Variants in KCNK1 observed in about 807,000 individuals in gnomAD.
KCNK1 encodes potassium channel subfamily K member 1.
In KCNK1, 10 loss-of-function variants were observed where a neutral mutation model predicts 22.2. The observed-to-expected ratio is 0.45, with a 90% CI of 0.28 to 0.76. The LOEUF is 0.76. Ranked by LOEUF, KCNK1 falls within the 30% of genes least tolerant of loss-of-function variation. KCNK1 has a pLI of 0.14. For missense variants in KCNK1, 378 were observed against 421.0 expected (o/e 0.90, Z 0.89); for synonymous variants, 200 against 186.4 (o/e 1.07, Z -0.60).
At chr1:233,662,438 A>G (rs1658413788) in intron 1 of KCNK1, among the ~76,000 whole-genome samples, 1 of 152,176 alleles carries the variant, frequency 6.6e-6, no homozygotes, top group Non-Finnish European at 1.5e-5. Flanking sequence ...ACCTTTCTCA[A>G]AAGCATCTGG....
At chr1:233,626,113 G>A (rs1408924012) in intron 1 of KCNK1, among the ~76,000 whole-genome samples, 2 of 150,866 alleles carry the variant, frequency 1.3e-5, no homozygotes, top group Admixed American at 6.6e-5. Context: ...ATGACCCAGG[G>A]GGTCATCGGA....
intron 1 of KCNK1, among the ~76,000 whole-genome samples, chr1:233,650,361 C>T (rs1470443865): frequency 6.6e-6 from 1 of 152,072 alleles, no homozygotes; most frequent in Non-Finnish European, 1.5e-5. Context: ...CTGTCAGGGA[C>T]CACTTTAATA....
intron 1 of KCNK1, among the ~76,000 whole-genome samples, chr1:233,648,886 C>T (rs1195348414): frequency 6.6e-6 from 1 of 152,130 alleles, no homozygotes; most frequent in Non-Finnish European, 1.5e-5. Flanking sequence ...CTATTTCTTG[C>T]TCAAGTCACA....
chr1:233,641,580 A>T (rs1260342603), intron 1 of KCNK1, among the ~76,000 whole-genome samples: 1 of 152,202 alleles, frequency 6.6e-6, no homozygotes, highest in Non-Finnish European at 1.5e-5. Flanking sequence ...TTATATCCCC[A>T]CTTAACACGG....
chr1:233,650,707 A>G (rs1402865535), intron 1 of KCNK1, among the ~76,000 whole-genome samples: 1 of 152,024 alleles, frequency 6.6e-6, no homozygotes, highest in East Asian at 1.9e-4. Flanking sequence ...TTTTTCAGGG[A>G]GACATAGCTA....
At chr1:233,665,336 C>T (rs973890934) in intron 1 of KCNK1, among the ~76,000 whole-genome samples, 4 of 152,188 alleles carry the variant, frequency 2.6e-5, no homozygotes, top group African/African-American at 9.6e-5. Context: ...CACACTTTTA[C>T]TGATGCTATT....
intron 1 of KCNK1, among the ~76,000 whole-genome samples, chr1:233,627,243 T>C (rs914409910): frequency 1.3e-5 from 2 of 152,186 alleles, no homozygotes; most frequent in Non-Finnish European, 2.9e-5. Flanking sequence ...CTTCTTTATT[T>C]CCCTCAAATA....
chr1:233,635,571 G>C (rs1278518294), intron 1 of KCNK1, among the ~76,000 whole-genome samples: 1 of 150,858 alleles, frequency 6.6e-6, no homozygotes, highest in East Asian at 1.9e-4. Flanking sequence ...TTAATAACAT[G>C]TTAATAAGCC....
At chr1:233,642,699 A>G (rs906795112) in intron 1 of KCNK1, among the ~76,000 whole-genome samples, 14 of 152,158 alleles carry the variant, frequency 9.2e-5, no homozygotes, top group Non-Finnish European at 1.8e-4. Context: ...CCCAAACTAA[A>G]ACACAGCAGC....
intron 1 of KCNK1, among the ~76,000 whole-genome samples, chr1:233,626,899 G>T (rs758069086): frequency 4.0e-5 from 6 of 151,878 alleles, no homozygotes; most frequent in African/African-American, 4.8e-5. Flanking sequence ...ATAATTCAAA[G>T]AATAAATAAA....
chr1:233,616,171 C>T (rs1366478657), intron 1 of KCNK1, among the ~76,000 whole-genome samples: 1 of 152,124 alleles, frequency 6.6e-6, no homozygotes, highest in African/African-American at 2.4e-5. Flanking sequence ...GTAAGTGTTT[C>T]CATGGGGCTA....
chr1:233,653,760 G>A (rs1486920692), intron 1 of KCNK1, among the ~76,000 whole-genome samples: 1 of 152,000 alleles, frequency 6.6e-6, no homozygotes. Context: ...CAGACGGCAT[G>A]CCAAGGGACT....
At chr1:233,628,303 A>C (rs1657724439) in intron 1 of KCNK1, among the ~76,000 whole-genome samples, 1 of 152,214 alleles carries the variant, frequency 6.6e-6, no homozygotes, top group African/African-American at 2.4e-5. Flanking sequence ...AGAAGAGGGA[A>C]GGATGGAAGG....
chr1:233,663,831 T>C (rs1658442580), intron 1 of KCNK1, among the ~76,000 whole-genome samples: 1 of 151,758 alleles, frequency 6.6e-6, no homozygotes, highest in South Asian at 2.1e-4. Flanking sequence ...TCAGTTGGCT[T>C]TTTTTTTGCG....
At chr1:233,667,944 A>C (rs1197295210) in intron 2 of KCNK1, among the ~76,000 whole-genome samples, 1 of 152,192 alleles carries the variant, frequency 6.6e-6, no homozygotes, top group African/African-American at 2.4e-5. Flanking sequence ...TTTTAGAAGA[A>C]GTTCGCCTCT....
intron 1 of KCNK1, among the ~76,000 whole-genome samples, chr1:233,665,641 C>G (rs1658474732): frequency 6.8e-6 from 1 of 146,744 alleles, no homozygotes; most frequent in Non-Finnish European, 1.5e-5. Flanking sequence ...TGGTCGGGGC[C>G]AGGCAAGTGG....
At position 233,668,955 on chromosome 1, in the gene KCNK1, A is replaced by AT. The variant is rs1571907108; in HGVS notation, c.751+1965_751+1966insT. Reference sequence around the variant, plus strand: ...TTTCCTCCTCTGATATTCTTCCAAGAAATGAGATTGCTGGTGCAAAGTGAA... The same window carrying AT: ...TTTCCTCCTCTGATATTCTTCCAAGATAATGAGATTGCTGGTGCAAAGTGAA... On this transcript the variant is annotated intron_variant, in intron 2 of 2. Transcript: ENST00000366621. 2.0e-5 allele frequency among the ~76,000 whole-genome samples: 3 copies of AT among 152,306 alleles called. No individual in the cohort carries two copies. The East Asian group carries it at 5.8e-4, about 29-fold the overall frequency.
intron 1 of KCNK1, among the ~76,000 whole-genome samples, chr1:233,642,926 A>T (rs906569182): frequency 2.1e-5 from 3 of 143,666 alleles, no homozygotes; most frequent in Admixed American, 7.0e-5. Flanking sequence ...GCGCCACCGC[A>T]CCCGGCTAAT....
intron 1 of KCNK1, among the ~76,000 whole-genome samples, chr1:233,638,383 T>C (rs1657940400): frequency 6.6e-6 from 1 of 151,618 alleles, no homozygotes; most frequent in Admixed American, 6.6e-5. Context: ...CTTTTCCTTG[T>C]TTCTCTTGTT....
Sources: allele counts gnomAD v4.1 joint callset (sites outside exome capture counted in the v4.1 genomes callset), GRCh38; gene constraint gnomAD v4.1.1; transcripts MANE v1.5; gene names NCBI Gene and HGNC (gene_info 2026-07-23, HGNC 2026-07-21).